AHRR: variants seen among roughly 807,000 people sequenced by gnomAD.
AHRR encodes the protein aryl hydrocarbon receptor repressor, also known as ahR repressor.
AHRR carries 28 observed loss-of-function variants against 44.0 expected under a neutral mutation model. That is an observed-to-expected ratio of 0.64 (90% CI 0.47 to 0.87). The LOEUF (loss-of-function observed/expected upper bound fraction) is 0.87, where lower values mean the gene tolerates loss of function less well. AHRR is among the 40% of genes least tolerant of loss of function. AHRR has a pLI of 0.00. For missense variants in AHRR, 990 were observed against 953.9 expected (o/e 1.04, Z -0.50); for synonymous variants, 434 against 407.0 (o/e 1.07, Z -0.80).
intron 10 of AHRR, 147 bp downstream of exon 10, chr5:433,094 T>C: frequency 5.7e-6 from 6 of 1,055,106 alleles, no homozygotes; most frequent in Non-Finnish European, 5.3e-6. Flanking sequence ...CTAACCTTAC[T>C]CTCTGTGGAG....
At chr5:428,606 G>A (rs1432400751) in intron 8 of AHRR, among the ~76,000 whole-genome samples, 1 of 152,242 alleles carries the variant, frequency 6.6e-6, no homozygotes, top group East Asian at 1.9e-4. Flanking sequence ...CTGGGAGTGG[G>A]GGGATGGTTT....
In AHRR at chr5:428,121, C is replaced by A. The variant is rs12188164; in HGVS notation, c.908+115C>A. 0.35 allele frequency: 424,711 copies of A among 1,225,110 alleles called. 82,016 individuals are homozygous for A. The highest frequency in any genetic ancestry group is 0.4 in the Non-Finnish European group (346,238 of 867,146). 75.9% of individuals were successfully genotyped at this position (1,225,110 alleles called of 1,614,324 possible). On this transcript the variant is annotated intron_variant, in intron 8 of 10. Coordinates refer to ENST00000684583, the MANE Select transcript of AHRR (RefSeq NM_001377236.1). ...TCTTCATTTCCAGCCAGTAATAAGTCAGTTTCGTGTCGTAAAAGTCATTAC... is the reference window on the plus strand; with the variant it reads ...TCTTCATTTCCAGCCAGTAATAAGTAAGTTTCGTGTCGTAAAAGTCATTAC...
chr5:340,688 A>AT (rs539789608), intron 1 of AHRR, among the ~76,000 whole-genome samples: 19 of 12,926 alleles, frequency 1.5e-3, no homozygotes, highest in Non-Finnish European at 2.1e-3. Context: ...ATATATATAT[A>AT]TTTTTTTTTT....
At position 375,361 on chromosome 5, in the gene AHRR, T is replaced by C. The variant is rs2126440321; in HGVS notation, c.245-1249T>C. On this transcript the variant is annotated intron_variant, in intron 3 of 10. Coordinates refer to ENST00000684583, the MANE Select transcript of AHRR (RefSeq NM_001377236.1). ...GTCGGGCTCTTGCTGAGCAGTGGGG[T>C]GGAGGCAGCCAGGAGTCTAAGCTCG... Among the ~76,000 whole-genome samples, 2 of 152,006 alleles carry C rather than the reference T, an allele frequency of 1.3e-5. 1 individual carries two copies. Among genetic ancestry groups the C allele is most frequent in the Middle Eastern group, 6.8e-3 (2 of 294 alleles).
chr5:333,860 C>T (rs1742026112), intron 1 of AHRR, among the ~76,000 whole-genome samples: 1 of 152,072 alleles, frequency 6.6e-6, no homozygotes, highest in East Asian at 1.9e-4. Flanking sequence ...TGGTGAATGT[C>T]GTCTTTTCAC....
At chr5:374,200 C>T (rs565113649) in intron 3 of AHRR, among the ~76,000 whole-genome samples, 181 of 152,258 alleles carry the variant, frequency 1.2e-3, no homozygotes, top group African/African-American at 4.2e-3. Context: ...GCGGGGAGCG[C>T]CCAGGGCCAG....
At position 433,653 on chromosome 5, in the gene AHRR, G is replaced by C. The variant is rs556804637; in HGVS notation, c.1113-200G>C. Reference sequence around the variant, plus strand: ...GGCCTTCCTCACTCGCCCCAGGCACGCAGTGGGGGTGGGGTGCTGGCACAG... The same window carrying C: ...GGCCTTCCTCACTCGCCCCAGGCACCCAGTGGGGGTGGGGTGCTGGCACAG... On this transcript the variant is annotated intron_variant, in intron 10 of 10. Transcript: ENST00000684583. 1.4e-4 allele frequency among the ~76,000 whole-genome samples: 22 copies of C among 152,148 alleles called. 1 individual carries two copies. In the South Asian group the frequency reaches 4.6e-3, roughly 32 times the overall value.
rs1024952119 is a variant in AHRR, at chr5:359,411, G to A, written c.244+5500G>A. 4.0e-4 allele frequency among the ~76,000 whole-genome samples: 61 copies of A among 152,006 alleles called. 4 individuals carry two copies. Among genetic ancestry groups the A allele is most frequent in the Middle Eastern group, 3.2e-3 (1 of 316 alleles). ...CCCGCGAGTGGAGGCCGTCAGTCAC[G>A]GAGTCCACCCAGGCCTGGCATGTGG... is the stretch of plus-strand genomic sequence containing the variant. On this transcript the variant is annotated intron_variant, in intron 3 of 10. Transcript: ENST00000684583.
chr5:331,866 C>T (rs916383469), intron 1 of AHRR, among the ~76,000 whole-genome samples: 3 of 152,250 alleles, frequency 2.0e-5, no homozygotes, highest in African/African-American at 7.2e-5. Flanking sequence ...CATCCCAAAA[C>T]CATCCCTACC....
At chr5:433,249 C>T (rs961502812) in intron 10 of AHRR, among the ~76,000 whole-genome samples, 1 of 152,030 alleles carries the variant, frequency 6.6e-6, no homozygotes, top group African/African-American at 2.4e-5. Context: ...CTGGGTCACC[C>T]GGCTCCAACC....
At chr5:425,175 T>C (rs1736327750) in intron 7 of AHRR, among the ~76,000 whole-genome samples, 1 of 152,258 alleles carries the variant, frequency 6.6e-6, no homozygotes, top group African/African-American at 2.4e-5. Context: ...CAGAGGTACC[T>C]GTGGGTCTGC....
At chr5:371,968 C>T (rs970716279) in intron 3 of AHRR, among the ~76,000 whole-genome samples, 4 of 152,216 alleles carry the variant, frequency 2.6e-5, no homozygotes, top group Admixed American at 6.5e-5. Context: ...TGGCTGCTTG[C>T]ACCACTCAGG....
At chr5:353,562 T>A (rs3936676) in intron 2 of AHRR, among the ~76,000 whole-genome samples, 168 bp from the exon 3 acceptor site, 3 of 152,170 alleles carry the variant, frequency 2.0e-5, no homozygotes, top group Admixed American at 1.3e-4. Flanking sequence ...CTGTGGTTTT[T>A]AGTGTCTATG....
intron 4 of AHRR, among the ~76,000 whole-genome samples, chr5:401,288 C>T (rs1735003920): frequency 6.6e-6 from 1 of 152,170 alleles, no homozygotes; most frequent in Non-Finnish European, 1.5e-5. Flanking sequence ...TAGTTTGGGT[C>T]CCCTAGTTCC....
intron 4 of AHRR, among the ~76,000 whole-genome samples, chr5:394,754 C>T (rs1159677928): frequency 2.6e-5 from 4 of 152,326 alleles, no homozygotes; most frequent in South Asian, 2.1e-4. Flanking sequence ...TGTGTGGGGC[C>T]GGACAGGGCT....
At chr5:367,659 C>T in intron 3 of AHRR, 1 of 590,126 alleles carries the variant, frequency 1.7e-6, no homozygotes, top group Non-Finnish European at 3.0e-6. Context: ...TTGTCTTCAC[C>T]CCTCAGGAGG....
intron 1 of AHRR, among the ~76,000 whole-genome samples, chr5:324,993 C>G (rs1404237494): frequency 6.6e-6 from 1 of 152,174 alleles, no homozygotes; most frequent in Non-Finnish European, 1.5e-5. Flanking sequence ...GCTGGAGACA[C>G]CTGGGAGAAC....
rs1437833830 is a variant in AHRR at position 407,802 on chromosome 5, G to T, written c.352-5542G>T. Among the ~76,000 whole-genome samples, 7 of 152,340 alleles carry T rather than the reference G, an allele frequency of 4.6e-5. No homozygotes were observed. In the South Asian group the frequency reaches 1.5e-3, roughly 32 times the overall value. On this transcript the variant is annotated intron_variant, in intron 4 of 10. Transcript: ENST00000684583. ...TCCACCTGCCTCGGCCTCTCAAAAT[G>T]CTGGGATTACAGGCGTGAGCCACTG...
intron 4 of AHRR, among the ~76,000 whole-genome samples, chr5:378,801 G>A (rs759715062): frequency 5.3e-5 from 8 of 152,226 alleles, no homozygotes; most frequent in Non-Finnish European, 1.0e-4. Context: ...GTTGGGTTTA[G>A]CATGACTCAC....
Sources: gnomAD v4.1 joint callset for allele counts (sites outside exome capture counted in the v4.1 genomes callset) on GRCh38, gnomAD v4.1.1 for gene constraint, MANE v1.5 for transcripts, NCBI Gene and HGNC (gene_info 2026-07-23, HGNC 2026-07-21) for gene names.